The following ALDH1L1 variants were observed in gnomAD, a reference collection of about 807,000 sequenced individuals.
ALDH1L1 encodes the protein cytosolic 10-formyltetrahydrofolate dehydrogenase.
ALDH1L1 carries 68 observed loss-of-function variants against 101.1 expected under a neutral mutation model. The ratio of observed to expected loss-of-function variants is 0.67; its 90% confidence interval spans 0.55 to 0.82. The LOEUF (loss-of-function observed/expected upper bound fraction) is 0.82, where lower values mean the gene tolerates loss of function less well. ALDH1L1 is among the 40% of genes least tolerant of loss of function. The pLI is 0.00. For missense variants in ALDH1L1, 1,087 were observed against 1,172.7 expected (o/e 0.93, Z 1.07); for synonymous variants, 486 against 470.8 (o/e 1.03, Z -0.42).
intron 10 of ALDH1L1, among the ~76,000 whole-genome samples, chr3:126,137,608 C>T (rs1249534669): frequency 1.3e-5 from 2 of 152,232 alleles, no homozygotes; most frequent in East Asian, 3.9e-4. Context: ...GAGCATCAGA[C>T]AGCAACATCC....
chr3:126,180,929 C>A, upstream of ALDH1L1: 1 of 1,609,326 alleles, frequency 6.2e-7, no homozygotes, highest in Non-Finnish European at 8.5e-7. Flanking sequence ...CACTCACTCG[C>A]TCACCCTCTC....
Position 126,134,062 on chromosome 3 carries a change from C to T in ALDH1L1, c.1472+1473G>A, listed in dbSNP as rs566522737. On this transcript the variant is annotated intron_variant, in intron 12 of 22. Transcript: ENST00000393434. ...AATGTCTGATTCCTGCAGTGAATTT[C>T]GTGTTCCCTAACACCCACGGTGGTC... 4.6e-5 allele frequency among the ~76,000 whole-genome samples: 7 copies of T among 152,320 alleles called. No individual in the cohort carries two copies. In the South Asian group the frequency reaches 8.3e-4, roughly 18 times the overall value.
At chr3:126,186,610 C>T (rs1186838803) in intron 1 of ALDH1L1, among the ~76,000 whole-genome samples, 1 of 152,026 alleles carries the variant, frequency 6.6e-6, no homozygotes, top group African/African-American at 2.4e-5. Flanking sequence ...CAACTGTGAT[C>T]ATAACAGGGA....
intron 2 of ALDH1L1, chr3:126,159,244 A>C (rs1301134536): frequency 5.5e-6 from 2 of 364,428 alleles, no homozygotes; most frequent in South Asian, 2.1e-5. Flanking sequence ...ACACACACAC[A>C]CACCCCAGAG....
chr3:126,177,521 G>T (rs2081383784), intron 1 of ALDH1L1, among the ~76,000 whole-genome samples: 4 of 152,218 alleles, frequency 2.6e-5, no homozygotes, highest in South Asian at 2.1e-4. Flanking sequence ...AAACTACAAA[G>T]GCAGTAACCA....
intron 15 of ALDH1L1, among the ~76,000 whole-genome samples, chr3:126,125,305 C>A (rs772948032): frequency 1.3e-5 from 2 of 152,220 alleles, no homozygotes; most frequent in Non-Finnish European, 2.9e-5. Context: ...GAGCATGGGG[C>A]CTGGTTTCTG....
At chr3:126,173,802 T>TAA (rs1324113938) in intron 1 of ALDH1L1, among the ~76,000 whole-genome samples, 12 of 152,208 alleles carry the variant, frequency 7.9e-5, no homozygotes, top group Admixed American at 2.0e-4. Context: ...ATGGAGTAGT[T>TAA]CTATTAACTT....
upstream of ALDH1L1, among the ~76,000 whole-genome samples, chr3:126,183,211 C>T (rs536508365): frequency 3.9e-5 from 6 of 152,316 alleles, no homozygotes; most frequent in South Asian, 1.2e-3. Flanking sequence ...ACAGCAGTCT[C>T]AGCAGAAGCC....
chr3:126,188,412 T>C (rs1170548918), intron 1 of ALDH1L1, among the ~76,000 whole-genome samples: 1 of 152,220 alleles, frequency 6.6e-6, no homozygotes, highest in Non-Finnish European at 1.5e-5. Flanking sequence ...CTGGAACCAA[T>C]GCCTTGCAGA....
chr3:126,118,618 A>G (rs1226311665), intron 16 of ALDH1L1, among the ~76,000 whole-genome samples: 1 of 152,118 alleles, frequency 6.6e-6, no homozygotes, highest in African/African-American at 2.4e-5. Context: ...TGGTAGCCCA[A>G]GCAAATCAAC....
chr3:126,106,079 T>A (rs1945860304), intron 21 of ALDH1L1, among the ~76,000 whole-genome samples, 154 bp from the exon 22 acceptor site: 1 of 151,994 alleles, frequency 6.6e-6, no homozygotes, highest in Non-Finnish European at 1.5e-5. Context: ...TTGGGTTGGG[T>A]TGGGCTGCGA....
chr3:126,155,342 C>T, intron 5 of ALDH1L1, 60 bp downstream of exon 5: 1 of 1,490,654 alleles, frequency 6.7e-7, no homozygotes, highest in Non-Finnish European at 9.1e-7. Context: ...CTCAGGCTGC[C>T]CTCTACAACC....
upstream of ALDH1L1, among the ~76,000 whole-genome samples, chr3:126,182,272 G>A (rs1178972212): frequency 1.3e-5 from 2 of 152,128 alleles, no homozygotes; most frequent in Non-Finnish European, 2.9e-5. Flanking sequence ...TTAGCCTCCT[G>A]AGTAGCTGGG....
At chr3:126,109,131 T>A (rs1051821418) in intron 20 of ALDH1L1, among the ~76,000 whole-genome samples, 9 of 152,180 alleles carry the variant, frequency 5.9e-5, no homozygotes, top group African/African-American at 1.9e-4. Flanking sequence ...GAGTCAGGGA[T>A]TCCTTCTTTC....
chr3:126,160,996 G>A lies in ALDH1L1; in HGVS notation c.-17C>T, dbSNP rs750601715. ...AATCTTCATGGTAGCAGGAGGGTTG[G>A]AAGGACCTGGAGAAGGAATAAGGCA... On this transcript the variant is annotated 5_prime_UTR_variant, in exon 2 of 23. Coordinates refer to ENST00000393434, the MANE Select transcript of ALDH1L1 (RefSeq NM_012190.4). 7.4e-6 allele frequency: 12 copies of A among 1,614,088 alleles called. No individual in the cohort carries two copies. The South Asian group carries it at 1.1e-4, about 15-fold the overall frequency.
At chr3:126,132,718 T>C (rs1404581900) in intron 12 of ALDH1L1, among the ~76,000 whole-genome samples, 1 of 152,218 alleles carries the variant, frequency 6.6e-6, no homozygotes, top group Non-Finnish European at 1.5e-5. Flanking sequence ...TCACATCCTC[T>C]GATAGCCTCC....
At chr3:126,172,332 G>A (rs1027937940) in intron 1 of ALDH1L1, among the ~76,000 whole-genome samples, 3 of 152,128 alleles carry the variant, frequency 2.0e-5, no homozygotes, top group Non-Finnish European at 4.4e-5. Context: ...ATGGAAAAAT[G>A]TGGAGAACAT....
chr3:126,124,742 G>A (rs1340645249), intron 15 of ALDH1L1, among the ~76,000 whole-genome samples: 1 of 152,218 alleles, frequency 6.6e-6, no homozygotes, highest in Admixed American at 6.5e-5. Context: ...CACAGCATAA[G>A]TTTCTAAAGC....
intron 19 of ALDH1L1, 90 bp downstream of exon 19, chr3:126,112,692 C>G: frequency 7.7e-7 from 1 of 1,299,422 alleles, no homozygotes; most frequent in Admixed American, 1.7e-5. Flanking sequence ...CTCACTTGAC[C>G]CTGCCCTGTC....
Sources: gnomAD v4.1 joint callset for allele counts (sites outside exome capture counted in the v4.1 genomes callset) on GRCh38, gnomAD v4.1.1 for gene constraint, MANE v1.5 for transcripts, NCBI Gene and HGNC (gene_info 2026-07-23, HGNC 2026-07-21) for gene names.